POLQ: variants seen among roughly 807,000 people sequenced by gnomAD.
POLQ encodes the protein epididymis secretory sperm binding protein.
POLQ carries 233 observed loss-of-function variants against 259.2 expected under a neutral mutation model. The observed-to-expected ratio is 0.90, with a 90% CI of 0.81 to 1.00. The LOEUF (loss-of-function observed/expected upper bound fraction) is 1.00, where lower values mean the gene tolerates loss of function less well. Ranked by LOEUF, POLQ falls within the 50% of genes least tolerant of loss-of-function variation. The pLI, the probability that POLQ is intolerant of heterozygous loss-of-function variation, is 0.00. For synonymous variants in POLQ, 1,025 were observed against 1,048.8 expected, an observed-to-expected ratio of 0.98 and a Z score of 0.44; for missense variants, 2,871 against 3,051.6, an observed-to-expected ratio of 0.94 and a Z score of 1.39.
chr3:121,486,105 G>A (rs1167937717), intron 16 of POLQ, among the ~76,000 whole-genome samples: 4 of 152,140 alleles, frequency 2.6e-5, no homozygotes, highest in African/African-American at 9.7e-5. Context: ...CAACATTTCA[G>A]TATACAATTC....
intron 21 of POLQ, among the ~76,000 whole-genome samples, 190 bp downstream of exon 21, chr3:121,473,160 C>T (rs898456865): frequency 2.0e-5 from 3 of 152,212 alleles, no homozygotes; most frequent in African/African-American, 4.8e-5. Flanking sequence ...ACTTATGATT[C>T]GGATTTTCCA....
intron 25 of POLQ, among the ~76,000 whole-genome samples, chr3:121,450,821 T>G (rs2047668984): frequency 6.6e-6 from 1 of 152,172 alleles, no homozygotes; most frequent in Non-Finnish European, 1.5e-5. Flanking sequence ...ATTTCCTGAA[T>G]TTGAATGTTG....
chr3:121,433,505 A>G (rs987248421), intron 28 of POLQ, among the ~76,000 whole-genome samples: 2 of 152,164 alleles, frequency 1.3e-5, no homozygotes, highest in Admixed American at 6.5e-5. Context: ...TGCTTCCCCA[A>G]TTGAACCGTA....
At chr3:121,465,453 A>AATAAAACATATGCTT (rs1326297871) in intron 24 of POLQ, among the ~76,000 whole-genome samples, 1 of 152,084 alleles carries the variant, frequency 6.6e-6, no homozygotes, top group South Asian at 2.1e-4. Context: ...TCAAAACATA[A>AATAAAACATATGCTT]GTTTTATAAA....
chr3:121,490,326 C>T lies in POLQ; in HGVS notation c.2605G>A (p.Gly869Ser), dbSNP rs745662643. 5 of 1,614,104 alleles carry T rather than the reference C, an allele frequency of 3.1e-6. No homozygotes were observed. Among genetic ancestry groups the T allele is most frequent in the Non-Finnish European group, 4.2e-6 (5 of 1,180,050 alleles). The change falls in exon 16 of 30, where the codon GGT becomes AGT. Residue 869 changes from glycine (G) to serine (S), a missense_variant. Gly to Ser is a moderately conservative substitution (Grantham distance 56). Transcript: ENST00000264233. ...MRTIWVTGRK[G>S]LTEREAAALI... ...GCTGCTGCTTCCCTTTCAGTTAAAC[C>T]TTTTCTGCCAGTCACCCAGATAGTT...
chr3:121,543,673 G>A (rs1437574873), intron 2 of POLQ, among the ~76,000 whole-genome samples: 1 of 152,178 alleles, frequency 6.6e-6, no homozygotes, highest in African/African-American at 2.4e-5. Flanking sequence ...AATTGTGTAT[G>A]CCATAGTTGC....
intron 26 of POLQ, among the ~76,000 whole-genome samples, chr3:121,442,284 C>T (rs2047599359): frequency 6.6e-6 from 1 of 152,158 alleles, no homozygotes; most frequent in Non-Finnish European, 1.5e-5. Flanking sequence ...AAGCATTTAT[C>T]ATTTGTGTTG....
At chr3:121,467,313 C>G (rs1244392665) in intron 24 of POLQ, among the ~76,000 whole-genome samples, 2 of 152,058 alleles carry the variant, frequency 1.3e-5, no homozygotes, top group African/African-American at 4.8e-5. Context: ...TGAGCACACA[C>G]CATAAAAGTT....
intron 2 of POLQ, among the ~76,000 whole-genome samples, chr3:121,543,352 T>A (rs954445783): frequency 6.6e-6 from 1 of 152,248 alleles, no homozygotes; most frequent in African/African-American, 2.4e-5. Flanking sequence ...AAAACTGTTC[T>A]GAGCTTTTAT....
At chr3:121,454,544 C>CA (rs2047713649) in intron 25 of POLQ, among the ~76,000 whole-genome samples, 1 of 151,852 alleles carries the variant, frequency 6.6e-6, no homozygotes, top group Admixed American at 6.6e-5. Context: ...GAAGATCTAC[C>CA]AAGCAAATGG....
At chr3:121,445,492 T>C (rs2047625056) in intron 26 of POLQ, among the ~76,000 whole-genome samples, 1 of 152,224 alleles carries the variant, frequency 6.6e-6, no homozygotes, top group Non-Finnish European at 1.5e-5. Flanking sequence ...TTTTCATTTC[T>C]GATTTTATTT....
intron 22 of POLQ, 87 bp downstream of exon 22, chr3:121,471,903 A>T: frequency 1.5e-6 from 1 of 686,564 alleles, no homozygotes; most frequent in East Asian, 2.7e-5. Flanking sequence ...TCAACACTTG[A>T]ATTCTTGGCC....
In POLQ at chr3:121,527,403, C is replaced by T. The variant is rs181781216; in HGVS notation, c.1108+2242G>A. ...GTAGAGATAAGGTCTCACTATGTTG[C>T]CTATGCTGGTCTCGAACTCCTGGAC... On this transcript the variant is annotated intron_variant, in intron 7 of 29. Transcript: ENST00000264233. 2.6e-5 allele frequency among the ~76,000 whole-genome samples: 4 copies of T among 152,192 alleles called. No individual in the cohort carries two copies. The East Asian group carries it at 7.7e-4, about 29-fold the overall frequency.
Position 121,490,256 on chromosome 3 carries a change from A to C in POLQ, c.2675T>G (p.Val892Gly). ...EARMILQQDL[V>G]EMGVQWNPCA... ...TGGATTCCATTGCACTCCCATTTCA[A>C]CTAAGTCCTGCTGCAGAATCATTCT... The change falls in exon 16 of 30, where the codon GTT becomes GGT. Residue 892 changes from valine (V) to glycine (G), a missense_variant. Val to Gly is a moderately radical substitution (Grantham distance 109). Around this residue, in one of 3 missense-constraint regions of POLQ, gnomAD observed 2,080 missense variants for 2,126.0 expected, o/e 0.98. Transcript: ENST00000264233. 1 of 1,614,206 alleles carries C rather than the reference A, an allele frequency of 6.2e-7. No individual in the cohort carries two copies.
intron 24 of POLQ, among the ~76,000 whole-genome samples, chr3:121,463,449 A>G (rs1288542644): frequency 6.6e-6 from 1 of 152,236 alleles, no homozygotes; most frequent in Non-Finnish European, 1.5e-5. Flanking sequence ...ACGGACTAAT[A>G]CACCACCAAA....
In POLQ at chr3:121,436,152, G is replaced by C. The variant is rs147692745; in HGVS notation, c.7513C>G (p.Arg2505Gly). The change falls in exon 28 of 30, where the codon CGA becomes GGA. Residue 2505 changes from arginine to glycine, a missense_variant. By Grantham distance (125) the Arg-to-Gly change is moderately radical. Around this residue, in one of 3 missense-constraint regions of POLQ, gnomAD observed 2,080 missense variants for 2,126.0 expected, o/e 0.98. Transcript: ENST00000264233. ...TGGTCACTTTGGAGCATACCCTCTC[G>C]ATGACCATGGGATTTGAAGGTTGAG... Reference protein sequence around the residue: ...FHSTFKSHGHREGMLQSDQTG... With the variant: ...FHSTFKSHGHGEGMLQSDQTG... The C allele has an allele frequency of 1.9e-6, 3 of 1,613,784 alleles. No individual in the cohort carries two copies. Among genetic ancestry groups the C allele is most frequent in the Non-Finnish European group, 2.5e-6 (3 of 1,179,722 alleles).
At chr3:121,477,517 G>A (rs2047936460) in intron 19 of POLQ, among the ~76,000 whole-genome samples, 1 of 152,042 alleles carries the variant, frequency 6.6e-6, no homozygotes, top group African/African-American at 2.4e-5. Flanking sequence ...TTTTGGATAA[G>A]GCAGACTTAA....
intron 17 of POLQ, 40 bp downstream of exon 17, chr3:121,485,001 A>C (rs1376887845): frequency 2.7e-6 from 4 of 1,458,714 alleles, no homozygotes; most frequent in East Asian, 4.7e-5. Context: ...TGGATGTTAC[A>C]GTAATTACAT....
At chr3:121,476,455 T>TACACACACACACACAC (rs71678533) in intron 20 of POLQ, 85 bp downstream of exon 20, 3 of 727,742 alleles carry the variant, frequency 4.1e-6, no homozygotes, top group Non-Finnish European at 4.3e-6. Flanking sequence ...TTCAGGTAAA[T>TACACACACACACACAC]ACACACACAC....
Sources: allele counts gnomAD v4.1 joint callset (sites outside exome capture counted in the v4.1 genomes callset), GRCh38; gene constraint gnomAD v4.1.1; regional missense constraint gnomAD v4.1.1; transcripts MANE v1.5; gene names NCBI Gene and HGNC (gene_info 2026-07-23, HGNC 2026-07-21).